The following PDGFD variants were observed in gnomAD, a reference collection of about 807,000 sequenced individuals.
PDGFD encodes the protein platelet derived growth factor D, also known as platelet-derived growth factor D.
A neutral mutation model predicts 44.7 loss-of-function variants in PDGFD; 30 were observed. The ratio of observed to expected loss-of-function variants is 0.67; its 90% CI spans 0.50 to 0.91. The LOEUF is 0.91. Ranked by LOEUF, PDGFD falls within the 40% of genes least tolerant of loss-of-function variation. The pLI, the probability that PDGFD is intolerant of heterozygous loss-of-function variation, is 0.00. For synonymous variants in PDGFD, 173 were observed against 168.4 expected (o/e 1.03, Z -0.21); for missense variants, 445 against 457.8 (o/e 0.97, Z 0.25).
intron 1 of PDGFD, among the ~76,000 whole-genome samples, chr11:104,159,473 A>G (rs1350034427): frequency 1.3e-5 from 2 of 152,172 alleles, no homozygotes; most frequent in African/African-American, 4.8e-5. Flanking sequence ...TCAACATAGA[A>G]AGTTCAAGAG....
chr11:103,938,330 T>A (rs1206451254), intron 5 of PDGFD, among the ~76,000 whole-genome samples: 1 of 152,224 alleles, frequency 6.6e-6, no homozygotes, highest in Non-Finnish European at 1.5e-5. Flanking sequence ...TTTCATGTGT[T>A]TTTTGGCTGC....
At chr11:104,037,518 A>G in intron 1 of PDGFD, 1 of 1,614,186 alleles carries the variant, frequency 6.2e-7, no homozygotes, top group Non-Finnish European at 8.5e-7. Context: ...TAGCGATAGA[A>G]GAGGCCCCCG....
intron 6 of PDGFD, among the ~76,000 whole-genome samples, chr11:103,911,849 C>T (rs565097688): frequency 7.0e-4 from 106 of 151,538 alleles, no homozygotes; most frequent in African/African-American, 2.3e-3. Context: ...GCTTCAATAG[C>T]CAAATCGATC....
At chr11:103,977,127 T>G (rs187635673) in intron 3 of PDGFD, among the ~76,000 whole-genome samples, 1 of 152,114 alleles carries the variant, frequency 6.6e-6, no homozygotes, top group East Asian at 1.9e-4. Flanking sequence ...TACACCCTCC[T>G]GAGACTAAAC....
intron 1 of PDGFD, among the ~76,000 whole-genome samples, chr11:104,012,603 C>G (rs1859800082): frequency 6.6e-6 from 1 of 152,074 alleles, no homozygotes; most frequent in African/African-American, 2.4e-5. Context: ...TTTGTGTAGA[C>G]TACTGTGTCT....
intron 1 of PDGFD, among the ~76,000 whole-genome samples, chr11:104,075,231 A>T (rs1433890243): frequency 6.6e-6 from 1 of 152,206 alleles, no homozygotes; most frequent in Non-Finnish European, 1.5e-5. Flanking sequence ...TTTTTCTCAC[A>T]CACAAATAAT....
intron 1 of PDGFD, among the ~76,000 whole-genome samples, chr11:104,096,335 G>A (rs1861287661): frequency 6.6e-6 from 1 of 151,686 alleles, no homozygotes; most frequent in Admixed American, 6.6e-5. Context: ...CAGGAATGCT[G>A]GAAAAAAAAC....
At position 103,960,887 on chromosome 11, in the gene PDGFD, T is replaced by G. The variant is rs1205748630; in HGVS notation, c.511-13163A>C. Among the ~76,000 whole-genome samples the G allele has an allele frequency of 2.0e-5, 3 of 152,256 alleles. No homozygotes were observed. In the East Asian group the frequency reaches 5.8e-4, roughly 29 times the overall value. ...AGAGAGATCTTTTCTCTCATGTCTC[T>G]TCTTACAAGGGCACTAATCACATCA... On this transcript the variant is annotated intron_variant, in intron 3 of 6. Transcript: ENST00000393158.
At chr11:104,061,869 A>G (rs530351190) in intron 1 of PDGFD, among the ~76,000 whole-genome samples, 4 of 152,248 alleles carry the variant, frequency 2.6e-5, no homozygotes, top group African/African-American at 9.6e-5. Flanking sequence ...TGGCCTCCCA[A>G]AATGTTGAGA....
chr11:103,913,826 G>A (rs982065521), intron 6 of PDGFD, among the ~76,000 whole-genome samples: 5 of 152,214 alleles, frequency 3.3e-5, no homozygotes, highest in African/African-American at 9.6e-5. Flanking sequence ...TATCACCACC[G>A]ATCCCACAGA....
chr11:104,149,488 G>A (rs958498908), intron 1 of PDGFD, among the ~76,000 whole-genome samples: 1 of 152,184 alleles, frequency 6.6e-6, no homozygotes, highest in Non-Finnish European at 1.5e-5. Flanking sequence ...AATGATGGCA[G>A]TGTTAGTAGT....
At chr11:104,090,679 C>A (rs111523618) in intron 1 of PDGFD, among the ~76,000 whole-genome samples, 4,233 of 150,784 alleles carry the variant, frequency 0.028, 190 homozygotes, top group African/African-American at 0.098. Context: ...GAAAAATATG[C>A]CATTATTTGA....
At chr11:104,078,859 T>C (rs1179895870) in intron 1 of PDGFD, among the ~76,000 whole-genome samples, 3 of 48,168 alleles carry the variant, frequency 6.2e-5, no homozygotes. Flanking sequence ...ATATTATTTA[T>C]TTACTTTATA....
chr11:103,910,925 A>G (rs1418476951), intron 6 of PDGFD, among the ~76,000 whole-genome samples: 6 of 152,330 alleles, frequency 3.9e-5, no homozygotes, highest in Non-Finnish European at 8.8e-5. Context: ...AGGCTTGAGT[A>G]GGCGAGGCGG....
At chr11:104,052,522 T>C (rs1380102812) in intron 1 of PDGFD, among the ~76,000 whole-genome samples, 1 of 151,978 alleles carries the variant, frequency 6.6e-6, no homozygotes, top group Non-Finnish European at 1.5e-5. Flanking sequence ...AGGTTTGGGG[T>C]TCCCTGGCAT....
intron 1 of PDGFD, among the ~76,000 whole-genome samples, chr11:104,078,726 T>A (rs1677930671): frequency 6.6e-6 from 1 of 152,184 alleles, no homozygotes; most frequent in South Asian, 2.1e-4. Flanking sequence ...CAAAATATGA[T>A]CTCATTTTAA....
At chr11:104,101,060 C>T (rs947731126) in intron 1 of PDGFD, among the ~76,000 whole-genome samples, 5 of 152,124 alleles carry the variant, frequency 3.3e-5, no homozygotes, top group East Asian at 1.9e-4. Flanking sequence ...GATGCCCTCT[C>T]GCACCACTCC....
chr11:104,123,531 A>G (rs1039763047), intron 1 of PDGFD, among the ~76,000 whole-genome samples: 2 of 152,206 alleles, frequency 1.3e-5, no homozygotes, highest in East Asian at 3.9e-4. Context: ...TCTATTATTA[A>G]TAAGTATTTG....
chr11:104,054,640 G>C (rs574553057), intron 1 of PDGFD, among the ~76,000 whole-genome samples: 51 of 152,312 alleles, frequency 3.3e-4, no homozygotes, highest in Middle Eastern at 3.4e-3. Flanking sequence ...GTGGGGAATA[G>C]ATAGGAGAGG....
Sources: gnomAD v4.1 joint callset for allele counts (sites outside exome capture counted in the v4.1 genomes callset) on GRCh38, gnomAD v4.1.1 for gene constraint, MANE v1.5 for transcripts, NCBI Gene and HGNC (gene_info 2026-07-23, HGNC 2026-07-21) for gene names.